The following TMOD2 variants were observed in gnomAD, a reference collection of about 807,000 sequenced individuals.
TMOD2 encodes the protein tropomodulin-2.
In TMOD2, 22 loss-of-function variants were observed where a neutral mutation model predicts 39.9. That is an observed-to-expected ratio of 0.55 (90% CI 0.39 to 0.79). TMOD2 has a LOEUF of 0.79. Among genes scored for constraint, TMOD2 ranks in the 30% least tolerant of loss-of-function variants. The pLI is 0.00. For missense variants in TMOD2, 386 were observed against 413.3 expected (o/e 0.93, Z 0.57); for synonymous variants, 123 against 146.1 (o/e 0.84, Z 1.14).
intron 1 of TMOD2, among the ~76,000 whole-genome samples, chr15:51,759,127 G>A (rs2055762055): frequency 6.6e-6 from 1 of 152,178 alleles, no homozygotes; most frequent in African/African-American, 2.4e-5. Context: ...GAAGTGGGTG[G>A]ATTCTCAACA....
intron 3 of TMOD2, among the ~76,000 whole-genome samples, chr15:51,772,416 G>A (rs1055771051): frequency 6.6e-6 from 1 of 152,192 alleles, no homozygotes; most frequent in African/African-American, 2.4e-5. Flanking sequence ...GTGCACGTGT[G>A]GGATGTGGAT....
Position 51,814,307 on chromosome 15 carries a change from A to G in TMOD2, c.*5853A>G, listed in dbSNP as rs1220625823. 1 of 152,290 alleles carries G rather than the reference A, an allele frequency of 6.6e-6. No individual in the cohort carries two copies. Among genetic ancestry groups the G allele is most frequent in the East Asian group, 1.9e-4 (1 of 5,204 alleles). 9.4% of individuals were successfully genotyped at this position (152,290 alleles called of 1,614,324 possible). A position where few individuals can be genotyped will look rare whatever the true frequency, so the allele number is the denominator to read the frequency against. On this transcript the variant is annotated 3_prime_UTR_variant, in exon 10 of 10. Coordinates refer to ENST00000249700, the MANE Select transcript of TMOD2 (RefSeq NM_014548.4). ...AATGCCTAGCAGCTGAGTAACAGGCATTAGTTCTGATAGATAGTGAAGGGG... is the reference window on the plus strand; with the variant it reads ...AATGCCTAGCAGCTGAGTAACAGGCGTTAGTTCTGATAGATAGTGAAGGGG...
At chr15:51,767,527 C>G (rs2055824051) in intron 2 of TMOD2, among the ~76,000 whole-genome samples, 1 of 152,048 alleles carries the variant, frequency 6.6e-6, no homozygotes, top group Non-Finnish European at 1.5e-5. Flanking sequence ...GCACTTTCTT[C>G]AGACCTGCTG....
chr15:51,763,274 T>A (rs2055794101), intron 1 of TMOD2, among the ~76,000 whole-genome samples: 1 of 152,212 alleles, frequency 6.6e-6, no homozygotes, highest in Admixed American at 6.5e-5. Flanking sequence ...ATCATTCACA[T>A]TGTTTTCAAT....
chr15:51,798,866 AG>A (rs758456399), intron 8 of TMOD2, among the ~76,000 whole-genome samples: 1 of 152,234 alleles, frequency 6.6e-6, no homozygotes, highest in Non-Finnish European at 1.5e-5. Context: ...TAAAGGAATC[AG>A]GGTTCTAGAA....
rs76135084 is a variant in TMOD2, at chr15:51,753,831, T to C, written c.-70+2119T>C. On this transcript the variant is annotated intron_variant, in intron 1 of 9. Transcript: ENST00000249700. ...GCAAATGTGGCAGAATGATGACGGT[T>C]GGTGAATCAAGAAGAAAACAAATGT... is the stretch of plus-strand genomic sequence containing the variant. Among the ~76,000 whole-genome samples the C allele has an allele frequency of 2.7e-3, 411 of 152,248 alleles. 1 individual carries two copies. The highest frequency in any genetic ancestry group is 3.3e-3 in the Non-Finnish European group (223 of 68,024).
intron 9 of TMOD2, among the ~76,000 whole-genome samples, chr15:51,808,003 G>C (rs1395326367): frequency 6.6e-6 from 1 of 152,184 alleles, no homozygotes; most frequent in East Asian, 1.9e-4. Flanking sequence ...TGAACTATTT[G>C]CAGCTCCTTC....
intron 7 of TMOD2, 120 bp from the exon 8 acceptor site, chr15:51,798,077 T>G: frequency 1.2e-6 from 1 of 815,020 alleles, no homozygotes; most frequent in Non-Finnish European, 1.8e-6. Flanking sequence ...TATGATTTGA[T>G]GAAGGTTTTC....
rs2016057 is a variant in TMOD2 at position 51,813,085 on chromosome 15, A to C, written c.*4631A>C. On this transcript the variant is annotated 3_prime_UTR_variant, in exon 10 of 10. Coordinates refer to ENST00000249700, the MANE Select transcript of TMOD2 (RefSeq NM_014548.4). ...CTTCAGGGATATTATTCACTGCTTT[A>C]TTGCTCCCTAACCCTAGATCAGATT... is the stretch of plus-strand genomic sequence containing the variant. 97,417 of 152,042 alleles carry C rather than the reference A, an allele frequency of 0.64. 31,790 individuals are homozygous for C. Among genetic ancestry groups the C allele is most frequent in the East Asian group, 1 (5,169 of 5,190 alleles). 9.4% of individuals were successfully genotyped at this position (152,042 alleles called of 1,614,324 possible).
At chr15:51,797,158 G>A (rs1038957978) in intron 7 of TMOD2, among the ~76,000 whole-genome samples, 4 of 152,224 alleles carry the variant, frequency 2.6e-5, no homozygotes, top group Non-Finnish European at 5.9e-5. Flanking sequence ...AGGGAATACT[G>A]TACTTCATTC....
chr15:51,783,059 A>G (rs1174615442), intron 7 of TMOD2: 3 of 510,394 alleles, frequency 5.9e-6, no homozygotes, highest in South Asian at 2.2e-5. Context: ...AAGAAACAAG[A>G]TAAGTTTGGC....
At chr15:51,802,868 G>A (rs2056098863) in intron 8 of TMOD2, among the ~76,000 whole-genome samples, 1 of 152,196 alleles carries the variant, frequency 6.6e-6, no homozygotes, top group South Asian at 2.1e-4. Context: ...GGAGAGACTC[G>A]TTTGAGGGGT....
intron 9 of TMOD2, among the ~76,000 whole-genome samples, chr15:51,806,877 G>T (rs1030480538): frequency 2.0e-5 from 3 of 152,162 alleles, no homozygotes; most frequent in Non-Finnish European, 4.4e-5. Flanking sequence ...AATTATGTTT[G>T]ACTTCTGACT....
intron 7 of TMOD2, among the ~76,000 whole-genome samples, chr15:51,797,292 A>T (rs955806054): frequency 1.3e-5 from 2 of 152,048 alleles, no homozygotes; most frequent in East Asian, 1.9e-4. Flanking sequence ...TCTTCCTGGG[A>T]GACTTCATTG....
Position 51,768,271 on chromosome 15 carries a change from C to T in TMOD2, c.136C>T (p.Leu46=). Residue 46 remains leucine, a synonymous_variant, in exon 3 of 10, where the codon CTG becomes TTG. Transcript: ENST00000249700. The part of the protein sequence containing the change: ...LDDLDPESAM[L]PAGFRQKDQT... The stretch of plus-strand genomic sequence containing the variant: ...ACCTCTTTCTTGTCAGAGTGCCATG[C>T]TGCCAGCTGGATTTCGACAGAAAGA... 1 of 1,614,154 alleles carries T rather than the reference C, an allele frequency of 6.2e-7. No homozygotes were observed. Among genetic ancestry groups the T allele is most frequent in the Non-Finnish European group, 8.5e-7 (1 of 1,180,004 alleles).
intron 3 of TMOD2, among the ~76,000 whole-genome samples, chr15:51,768,838 G>A (rs1567236965): frequency 6.6e-6 from 1 of 152,158 alleles, no homozygotes. Context: ...TTGTCGTGGA[G>A]GGTCAAGCAA....
intron 7 of TMOD2, among the ~76,000 whole-genome samples, chr15:51,791,632 A>T (rs989099483): frequency 3.9e-5 from 6 of 152,270 alleles, no homozygotes; most frequent in African/African-American, 1.4e-4. Flanking sequence ...TAACCAAAAC[A>T]GCATGGTACT....
intron 5 of TMOD2, among the ~76,000 whole-genome samples, chr15:51,778,643 CTTTTTT>C (rs34790068): frequency 1.0e-4 from 7 of 68,370 alleles, no homozygotes; most frequent in Admixed American, 2.2e-4. Context: ...AAAATTACAG[CTTTTTT>C]TTTTTTTTTT....
At chr15:51,769,125 G>T (rs1050224606) in intron 3 of TMOD2, among the ~76,000 whole-genome samples, 1 of 152,186 alleles carries the variant, frequency 6.6e-6, no homozygotes, top group African/African-American at 2.4e-5. Context: ...AAAGAAACAC[G>T]ATCAAATATG....
Sources: gnomAD v4.1 joint callset for allele counts (sites outside exome capture counted in the v4.1 genomes callset) on GRCh38, gnomAD v4.1.1 for gene constraint, MANE v1.5 for transcripts, NCBI Gene and HGNC (gene_info 2026-07-23, HGNC 2026-07-21) for gene names.